Variants in PCMTD1 observed in about 807,000 individuals in gnomAD.
The protein encoded by PCMTD1 is protein-L-isoaspartate (D-aspartate) O-methyltransferase domain containing 1.
Under a neutral mutation model 37.6 loss-of-function variants are expected in PCMTD1, and 12 were observed. The ratio of observed to expected loss-of-function variants is 0.32; its 90% confidence interval spans 0.20 to 0.52. The LOEUF is 0.52. Ranked by LOEUF, PCMTD1 falls within the 20% of genes least tolerant of loss-of-function variation. The probability of loss-of-function intolerance (pLI) is 0.97; values close to 1 mark genes in which losing one functional copy is unlikely to be tolerated. For synonymous variants in PCMTD1, 117 were observed against 135.8 expected, an observed-to-expected ratio of 0.86 and a Z score of 0.96; for missense variants, 235 against 421.3, an observed-to-expected ratio of 0.56 and a Z score of 3.87.
intron 1 of PCMTD1, among the ~76,000 whole-genome samples, chr8:51,866,592 T>C (rs143362588): frequency 1.3e-5 from 2 of 151,790 alleles, no homozygotes; most frequent in East Asian, 1.9e-4. Flanking sequence ...AAGAATGAAA[T>C]TGAATCCTTA....
intron 1 of PCMTD1, among the ~76,000 whole-genome samples, chr8:51,885,464 G>A (rs2038852183): frequency 6.6e-6 from 1 of 152,182 alleles, no homozygotes; most frequent in Non-Finnish European, 1.5e-5. Flanking sequence ...TTAGACAGGA[G>A]GATGCCTTAG....
At position 51,818,363 on chromosome 8, in the gene PCMTD1, ACTCT is replaced by A. The variant is rs1460086081; in HGVS notation, c.*1984_*1987del. 6.0e-6 allele frequency: 1 copy of A among 165,910 alleles called. No homozygotes were observed. The highest frequency in any genetic ancestry group is 1.3e-5 in the Non-Finnish European group (1 of 78,816). 10.3% of individuals were successfully genotyped at this position (165,910 alleles called of 1,614,324 possible). A position where few individuals can be genotyped will look rare whatever the true frequency, so the allele number is the denominator to read the frequency against. The stretch of plus-strand genomic sequence containing the variant: ...ATCTTCAAATATATCCTTAACAAAA[ACTCT>A]CTCCTGCATAGTAAAAGCATCATCT... On this transcript the variant is annotated 3_prime_UTR_variant, in exon 6 of 6. Transcript: ENST00000522514.
At position 51,860,830 on chromosome 8, in the gene PCMTD1, C is replaced by T. The variant is rs2038461343; in HGVS notation, c.307+15G>A. The stretch of plus-strand genomic sequence containing the variant: ...GCTTATTTTTTAAAATAGAATTTTA[C>T]AAAAATAAAATTACCTAAAATTAAG... On this transcript the variant is annotated intron_variant, in intron 2 of 5. Transcript: ENST00000522514. 6.4e-7 allele frequency: 1 copy of T among 1,555,832 alleles called. No individual in the cohort carries two copies. Among genetic ancestry groups the T allele is most frequent in the Non-Finnish European group, 8.7e-7 (1 of 1,153,834 alleles).
At chr8:51,899,089 C>T (rs1489818359), upstream of PCMTD1, 37 of 1,481,424 alleles carry the variant, frequency 2.5e-5, no homozygotes, top group Non-Finnish European at 3.1e-5. Context: ...TCCCGGACTC[C>T]GGAGCCGCCG....
chr8:51,832,756 T>A (rs756780059), intron 4 of PCMTD1, among the ~76,000 whole-genome samples: 2 of 152,220 alleles, frequency 1.3e-5, no homozygotes, highest in Non-Finnish European at 2.9e-5. Flanking sequence ...GCAGAATATT[T>A]TCAAATGAGT....
chr8:51,890,394 G>A (rs1422950823), intron 1 of PCMTD1, among the ~76,000 whole-genome samples: 1 of 152,104 alleles, frequency 6.6e-6, no homozygotes, highest in African/African-American at 2.4e-5. Flanking sequence ...ATCCAGTTGA[G>A]TATGAAGACT....
intron 2 of PCMTD1, among the ~76,000 whole-genome samples, chr8:51,850,341 T>C (rs999622517): frequency 1.3e-5 from 2 of 152,200 alleles, no homozygotes; most frequent in African/African-American, 2.4e-5. Flanking sequence ...AATTATAACC[T>C]ACATAAGGGG....
chr8:51,817,971 T>A lies in PCMTD1; in HGVS notation c.*2380A>T, dbSNP rs1291906187. 4.4e-6 allele frequency: 2 copies of A among 456,518 alleles called. No homozygotes were observed. The highest frequency in any genetic ancestry group is 4.0e-5 in the African/African-American group (2 of 50,094). The allele number at this position is 456,518 out of a possible 1,614,324, so 28.3% of individuals were successfully genotyped here. The stretch of plus-strand genomic sequence containing the variant: ...ATTAGATGATACTTACTGTTTTAAC[T>A]AGCTATAAAATTCCAATACTATATT... On this transcript the variant is annotated 3_prime_UTR_variant, in exon 6 of 6. Transcript: ENST00000522514.
intron 1 of PCMTD1, among the ~76,000 whole-genome samples, chr8:51,867,530 TGAGA>T (rs1012054853): frequency 3.4e-5 from 5 of 147,838 alleles, no homozygotes; most frequent in South Asian, 2.2e-4. Flanking sequence ...TATAGGAATT[TGAGA>T]GAAAGAAGAA....
At chr8:51,872,940 T>C (rs761438457) in intron 1 of PCMTD1, among the ~76,000 whole-genome samples, 6 of 152,194 alleles carry the variant, frequency 3.9e-5, no homozygotes, top group Non-Finnish European at 5.9e-5. Context: ...ATTCAAATTA[T>C]CTCAATGATT....
intron 1 of PCMTD1, among the ~76,000 whole-genome samples, chr8:51,875,670 G>C (rs1045297568): frequency 6.6e-6 from 1 of 152,172 alleles, no homozygotes; most frequent in Admixed American, 6.5e-5. Flanking sequence ...TGGACCAGTG[G>C]CTCATGCCTA....
chr8:51,843,491 C>A (rs2038175709), intron 3 of PCMTD1, among the ~76,000 whole-genome samples: 1 of 151,788 alleles, frequency 6.6e-6, no homozygotes, highest in Non-Finnish European at 1.5e-5. Context: ...AGTCATATCA[C>A]TGTATTTTAC....
intron 3 of PCMTD1, chr8:51,839,563 CT>C: frequency 2.0e-6 from 2 of 985,376 alleles, no homozygotes; most frequent in African/African-American, 1.7e-5. Flanking sequence ...TTTTGATAAG[CT>C]GCTAGGAGAT....
At chr8:51,834,760 A>C (rs2038044931) in intron 3 of PCMTD1, among the ~76,000 whole-genome samples, 1 of 152,224 alleles carries the variant, frequency 6.6e-6, no homozygotes, top group Admixed American at 6.5e-5. Flanking sequence ...CAGAGTCACT[A>C]AAACACATAC....
At chr8:51,852,852 T>C (rs2038328112) in intron 2 of PCMTD1, among the ~76,000 whole-genome samples, 4 of 152,250 alleles carry the variant, frequency 2.6e-5, no homozygotes, top group South Asian at 4.1e-4. Context: ...AAGAAGAGAA[T>C]TTGTTAAACT....
intron 1 of PCMTD1, among the ~76,000 whole-genome samples, chr8:51,866,002 A>G (rs1348051362): frequency 6.6e-6 from 1 of 151,972 alleles, no homozygotes; most frequent in Non-Finnish European, 1.5e-5. Context: ...AGTCAGTAGC[A>G]TTTCTTTACA....
intron 3 of PCMTD1, among the ~76,000 whole-genome samples, chr8:51,842,284 A>C (rs2038157918): frequency 1.3e-5 from 2 of 152,174 alleles, no homozygotes; most frequent in Admixed American, 6.6e-5. Context: ...TAAAGAAAGA[A>C]TACTACTTTC....
At chr8:51,882,818 T>TAA (rs34942203) in intron 1 of PCMTD1, among the ~76,000 whole-genome samples, 222 of 137,552 alleles carry the variant, frequency 1.6e-3, no homozygotes, top group Middle Eastern at 3.7e-3. Context: ...ATAGCATACT[T>TAA]AAAAAAAAAA....
At chr8:51,827,427 T>TTA in intron 5 of PCMTD1, 1 of 516,038 alleles carries the variant, frequency 1.9e-6, no homozygotes. Context: ...TGAGCTGTTC[T>TTA]GAGTAGTGTA....
Sources: gnomAD v4.1 joint callset for allele counts (sites outside exome capture counted in the v4.1 genomes callset) on GRCh38, gnomAD v4.1.1 for gene constraint, MANE v1.5 for transcripts, NCBI Gene and HGNC (gene_info 2026-07-23, HGNC 2026-07-21) for gene names.